The following L3MBTL4 variants were observed in gnomAD, a reference collection of about 807,000 sequenced individuals.
The protein encoded by L3MBTL4 is lethal(3)malignant brain tumor-like protein 4.
L3MBTL4 carries 70 observed loss-of-function variants against 84.5 expected under a neutral mutation model. The ratio of observed to expected loss-of-function variants is 0.83; its 90% CI spans 0.68 to 1.01. The LOEUF (loss-of-function observed/expected upper bound fraction) is 1.01. Among genes scored for constraint, L3MBTL4 ranks in the 50% least tolerant of loss-of-function variants. The pLI, the probability that L3MBTL4 is intolerant of heterozygous loss-of-function variation, is 0.00. For missense variants in L3MBTL4, 715 were observed against 754.8 expected (o/e 0.95, Z 0.62); for synonymous variants, 274 against 259.8 (o/e 1.05, Z -0.52).
intron 18 of L3MBTL4, among the ~76,000 whole-genome samples, chr18:5,958,855 G>A (rs748773421): frequency 1.3e-5 from 2 of 151,968 alleles, no homozygotes; most frequent in Non-Finnish European, 2.9e-5. Context: ...TGGTCAGTGA[G>A]TGCCAAATAT....
chr18:6,239,173 C>T (rs562865305), intron 9 of L3MBTL4, among the ~76,000 whole-genome samples: 12 of 151,824 alleles, frequency 7.9e-5, no homozygotes, highest in African/African-American at 2.9e-4. Context: ...AACCCTGTCT[C>T]TACTAAAAAT....
At chr18:6,323,033 A>G (rs1008595606) in intron 1 of L3MBTL4, among the ~76,000 whole-genome samples, 1 of 152,102 alleles carries the variant, frequency 6.6e-6, no homozygotes, top group Non-Finnish European at 1.5e-5. Flanking sequence ...GCACCTCCCC[A>G]TTCTCTATCT....
At chr18:6,153,324 A>G (rs938791054) in intron 13 of L3MBTL4, among the ~76,000 whole-genome samples, 1 of 152,242 alleles carries the variant, frequency 6.6e-6, no homozygotes, top group Middle Eastern at 3.4e-3. Context: ...ATGAATTTTA[A>G]CATTAAGTCT....
At chr18:5,994,058 G>A (rs1365086694) in intron 16 of L3MBTL4, among the ~76,000 whole-genome samples, 4 of 152,160 alleles carry the variant, frequency 2.6e-5, no homozygotes, top group African/African-American at 9.7e-5. Context: ...TGTGGTTCAT[G>A]CCCCTTTCTC....
chr18:6,127,447 T>C (rs903611663), intron 14 of L3MBTL4, among the ~76,000 whole-genome samples: 1 of 152,168 alleles, frequency 6.6e-6, no homozygotes, highest in Admixed American at 6.5e-5. Flanking sequence ...TTAGAACAAC[T>C]AGAGAGAATA....
intron 16 of L3MBTL4, among the ~76,000 whole-genome samples, chr18:5,980,683 C>T (rs1020201642): frequency 2.6e-5 from 4 of 152,104 alleles, no homozygotes; most frequent in Non-Finnish European, 5.9e-5. Context: ...CTGCCCACCT[C>T]GGCCTCCCAA....
chr18:6,267,907 G>A (rs966617673), intron 4 of L3MBTL4, among the ~76,000 whole-genome samples: 1 of 152,114 alleles, frequency 6.6e-6, no homozygotes, highest in African/African-American at 2.4e-5. Context: ...GCCTGTAGAC[G>A]GGTCCTCCCT....
intron 18 of L3MBTL4, among the ~76,000 whole-genome samples, chr18:5,957,136 A>G: frequency 6.6e-6 from 1 of 152,334 alleles, no homozygotes; most frequent in Middle Eastern, 3.4e-3. Context: ...TTTTTTAAAG[A>G]ATACATACCA....
chr18:6,193,877 A>G (rs1195735148), intron 12 of L3MBTL4, among the ~76,000 whole-genome samples: 1 of 152,156 alleles, frequency 6.6e-6, no homozygotes, highest in African/African-American at 2.4e-5. Flanking sequence ...TCCTAACTTG[A>G]GCTATTTGAC....
intron 16 of L3MBTL4, among the ~76,000 whole-genome samples, chr18:6,061,034 T>C (rs2057200329): frequency 6.6e-6 from 1 of 152,166 alleles, no homozygotes; most frequent in Admixed American, 6.6e-5. Context: ...GAAATGTGAT[T>C]GCTGGATCAT....
intron 3 of L3MBTL4, among the ~76,000 whole-genome samples, chr18:6,310,536 G>T (rs1023045541): frequency 6.6e-6 from 1 of 152,170 alleles, no homozygotes; most frequent in South Asian, 2.1e-4. Context: ...ACCTGGAACT[G>T]AACCAAAAGA....
rs186293488 is a variant in L3MBTL4, at chr18:6,300,501, G to T, written c.127+1402C>A. Among the ~76,000 whole-genome samples the T allele has an allele frequency of 2.0e-5, 3 of 152,268 alleles. No homozygotes were observed. In the East Asian group the frequency reaches 5.8e-4, roughly 29 times the overall value. ...AAAACTGAAAAGCTTCCAACTGGAC[G>T]CTCCCAGACTTGTTAAAAACAAGAA... On this transcript the variant is annotated intron_variant, in intron 4 of 18. Transcript: ENST00000317931.
chr18:6,327,474 T>C (rs960781156), intron 1 of L3MBTL4, among the ~76,000 whole-genome samples: 6 of 152,218 alleles, frequency 3.9e-5, no homozygotes, highest in African/African-American at 1.4e-4. Flanking sequence ...GATAACTCTA[T>C]AAAATATATT....
chr18:6,126,792 G>T (rs553748595), intron 14 of L3MBTL4, among the ~76,000 whole-genome samples: 1 of 152,160 alleles, frequency 6.6e-6, no homozygotes, highest in East Asian at 1.9e-4. Context: ...ACTAAATTGG[G>T]TAATTAATCA....
At chr18:6,203,435 T>C (rs2045733482) in intron 12 of L3MBTL4, among the ~76,000 whole-genome samples, 1 of 152,204 alleles carries the variant, frequency 6.6e-6, no homozygotes, top group South Asian at 2.1e-4. Flanking sequence ...TAAAGTTGAC[T>C]AGACTTCCTT....
At chr18:6,067,310 G>A (rs921268514) in intron 16 of L3MBTL4, among the ~76,000 whole-genome samples, 1 of 152,144 alleles carries the variant, frequency 6.6e-6, no homozygotes, top group Admixed American at 6.5e-5. Context: ...TTTCCCAGGA[G>A]TTCCTTGAGT....
At chr18:5,970,005 A>C (rs1203473769) in intron 16 of L3MBTL4, among the ~76,000 whole-genome samples, 1 of 152,248 alleles carries the variant, frequency 6.6e-6, no homozygotes, top group Non-Finnish European at 1.5e-5. Context: ...CAGCCTCATG[A>C]GTCTCTAAAG....
At chr18:6,398,520 T>C (rs1015899369) in intron 1 of L3MBTL4, among the ~76,000 whole-genome samples, 4 of 152,144 alleles carry the variant, frequency 2.6e-5, no homozygotes, top group African/African-American at 7.2e-5. Context: ...TCATAATCTG[T>C]TCTTTGCACA....
intron 1 of L3MBTL4, among the ~76,000 whole-genome samples, chr18:6,351,646 G>A (rs1274541953): frequency 1.3e-5 from 2 of 151,994 alleles, no homozygotes; most frequent in Non-Finnish European, 2.9e-5. Context: ...CCGCCTCCCG[G>A]GTTCACGCCA....
Sources: allele counts gnomAD v4.1 joint callset (sites outside exome capture counted in the v4.1 genomes callset), GRCh38; gene constraint gnomAD v4.1.1; transcripts MANE v1.5; gene names NCBI Gene and HGNC (gene_info 2026-07-23, HGNC 2026-07-21).